SRPK2: variants seen among roughly 807,000 people sequenced by gnomAD.
The protein encoded by SRPK2 is SRSF protein kinase 2.
In SRPK2, 21 loss-of-function variants were observed where a neutral mutation model predicts 90.8. The observed-to-expected ratio is 0.23, with a 90% CI of 0.16 to 0.33. SRPK2 has a LOEUF of 0.33. SRPK2 is among the 10% of genes least tolerant of loss of function. The pLI, the probability that SRPK2 is intolerant of heterozygous loss-of-function variation, is 1.00. For synonymous variants in SRPK2, 288 were observed against 311.1 expected (o/e 0.93, Z 0.78); for missense variants, 620 against 869.0 (o/e 0.71, Z 3.60).
chr7:105,389,036 C>A (rs1320580068), upstream of SRPK2: 2 of 970,416 alleles, frequency 2.1e-6, no homozygotes, highest in Non-Finnish European at 2.4e-6. Flanking sequence ...CCCAGCGCCG[C>A]GCGCCCAGCG....
chr7:105,244,772 C>A, intron 2 of SRPK2: 1 of 980,826 alleles, frequency 1.0e-6, no homozygotes, highest in Non-Finnish European at 1.6e-6. Flanking sequence ...CAAGTTTGTG[C>A]GGGACATGAT....
chr7:105,259,639 T>A (rs1439586040), intron 2 of SRPK2, among the ~76,000 whole-genome samples: 1 of 152,148 alleles, frequency 6.6e-6, no homozygotes, highest in Non-Finnish European at 1.5e-5. Context: ...CAAACTATAC[T>A]ACAAGGCTAC....
chr7:105,331,461 A>G lies in SRPK2; in HGVS notation c.71+57187T>C, dbSNP rs550814543. On this transcript the variant is annotated intron_variant, in intron 2 of 15. Transcript: ENST00000393651. ...AACATAAACTATTGATCCTAAAACCATATCCTGGCTTTGGGAGAGAGAAGG... is the reference window on the plus strand; with the variant it reads ...AACATAAACTATTGATCCTAAAACCGTATCCTGGCTTTGGGAGAGAGAAGG... Among the ~76,000 whole-genome samples the G allele has an allele frequency of 7.2e-5, 11 of 152,272 alleles. No individual in the cohort carries two copies. The East Asian group carries it at 1.7e-3, about 24-fold the overall frequency.
intron 2 of SRPK2, among the ~76,000 whole-genome samples, chr7:105,379,145 C>A (rs1820644269): frequency 6.6e-6 from 1 of 150,928 alleles, no homozygotes; most frequent in African/African-American, 2.4e-5. Flanking sequence ...AAGACCCAGT[C>A]TCTAAAAAAA....
rs1211046364 is a variant in SRPK2, at chr7:105,388,700, G to T, written c.19C>A (p.Leu7Met). 6.3e-7 allele frequency: 1 copy of T among 1,584,184 alleles called. No individual in the cohort carries two copies. Among genetic ancestry groups the T allele is most frequent in the Admixed American group, 1.8e-5 (1 of 57,120 alleles). ...CTCCGCTTTCGGGCCTGAATGGCCA[G>T]CACTGGGGAAGAGAAGACACACATT... The part of the protein sequence containing the change: MSSRKV[L>M]AIQARKRRPK... The change falls in exon 2 of 16, where the codon CTG becomes ATG. Residue 7 changes from leucine to methionine, a missense_variant and splice_region_variant. This residue lies in a region of SRPK2 where 56 missense variants were observed against 49.6 expected (regional missense o/e 1.13). Transcript: ENST00000393651.
chr7:105,389,368 C>A (rs1463327134), upstream of SRPK2: 1 of 1,269,528 alleles, frequency 7.9e-7, no homozygotes, highest in Admixed American at 2.4e-5. Flanking sequence ...CTTGCAACCC[C>A]ATGAGCGCCG....
At chr7:105,149,458 T>A (rs1178544382) in intron 7 of SRPK2, among the ~76,000 whole-genome samples, 1 of 151,958 alleles carries the variant, frequency 6.6e-6, no homozygotes, top group Non-Finnish European at 1.5e-5. Context: ...ACATTCCTTT[T>A]TGCTGAAATA....
chr7:105,217,270 CT>C (rs1178400798), intron 2 of SRPK2, among the ~76,000 whole-genome samples: 1 of 152,072 alleles, frequency 6.6e-6, no homozygotes, highest in East Asian at 1.9e-4. Context: ...TTATCACATA[CT>C]TCTACAAGGC....
chr7:105,321,400 T>C (rs1175349131), intron 2 of SRPK2, among the ~76,000 whole-genome samples: 1 of 152,224 alleles, frequency 6.6e-6, no homozygotes, highest in African/African-American at 2.4e-5. Flanking sequence ...TAAATCTTCA[T>C]GACCTTGGGT....
intron 2 of SRPK2, among the ~76,000 whole-genome samples, chr7:105,362,653 C>G (rs761288421): frequency 1.3e-5 from 2 of 152,024 alleles, no homozygotes; most frequent in Non-Finnish European, 1.5e-5. Context: ...TCTCAAGGAT[C>G]TAGAAATAGA....
In SRPK2 at chr7:105,244,805, C is replaced by A; in HGVS notation, c.72-41020G>T. ...GATCCCGGAGGCATGTGGCTTCGCC[C>A]CGTACAAGCAGCACGCCAAGGAGTT... On this transcript the variant is annotated intron_variant, in intron 2 of 15. Coordinates refer to ENST00000393651, the MANE Select transcript of SRPK2 (RefSeq NM_182692.3). 4 of 969,118 alleles carry A rather than the reference C, an allele frequency of 4.1e-6. No individual in the cohort carries two copies. The Admixed American group carries it at 6.8e-5, about 17-fold the overall frequency. 60.0% of individuals were successfully genotyped at this position (969,118 alleles called of 1,614,324 possible).
At chr7:105,386,286 C>G (rs1481019396) in intron 2 of SRPK2, among the ~76,000 whole-genome samples, 1 of 144,152 alleles carries the variant, frequency 6.9e-6, no homozygotes, top group Non-Finnish European at 1.5e-5. Flanking sequence ...TGCCCTCCAG[C>G]CTGGGCAACA....
chr7:105,277,952 G>A (rs1389821415), intron 2 of SRPK2, among the ~76,000 whole-genome samples: 1 of 152,172 alleles, frequency 6.6e-6, no homozygotes, highest in East Asian at 1.9e-4. Context: ...GGATAGAGGA[G>A]CAGGTTATGA....
intron 2 of SRPK2, among the ~76,000 whole-genome samples, chr7:105,354,339 C>G (rs1817548065): frequency 6.6e-6 from 1 of 152,174 alleles, no homozygotes; most frequent in Admixed American, 6.5e-5. Flanking sequence ...TCTTGCCCGG[C>G]AGCTCATCCA....
chr7:105,389,491 G>A (rs1482777645), upstream of SRPK2: 13 of 1,029,018 alleles, frequency 1.3e-5, no homozygotes, highest in Non-Finnish European at 1.1e-5. Flanking sequence ...ACCTCTAAGT[G>A]CCCTCCAGGA....
intron 2 of SRPK2, among the ~76,000 whole-genome samples, chr7:105,280,879 A>G (rs1424461535): frequency 7.8e-6 from 1 of 128,042 alleles, no homozygotes; most frequent in Non-Finnish European, 1.6e-5. Context: ...CCCAGGAGGC[A>G]GAGTTTGCAG....
chr7:105,159,448 CAAAAA>C (rs765544583), intron 7 of SRPK2, among the ~76,000 whole-genome samples: 70 of 33,140 alleles, frequency 2.1e-3, no homozygotes, highest in South Asian at 8.1e-3. Context: ...ACTCCGTCTC[CAAAAA>C]AAAAAAAAAA....
chr7:105,359,777 C>T (rs375733996), intron 2 of SRPK2, among the ~76,000 whole-genome samples: 1 of 152,154 alleles, frequency 6.6e-6, no homozygotes, highest in African/African-American at 2.4e-5. Flanking sequence ...CAATCTGTTT[C>T]ATGATTTCCT....
At chr7:105,331,870 G>C (rs767806358) in intron 2 of SRPK2, among the ~76,000 whole-genome samples, 15 of 152,082 alleles carry the variant, frequency 9.9e-5, no homozygotes, top group Non-Finnish European at 1.8e-4. Flanking sequence ...GGAAGAACTC[G>C]CACCTTGGCC....
Sources: gnomAD v4.1 joint callset for allele counts (sites outside exome capture counted in the v4.1 genomes callset) on GRCh38, gnomAD v4.1.1 for gene constraint, gnomAD v4.1.1 regional missense constraint, MANE v1.5 for transcripts, NCBI Gene and HGNC (gene_info 2026-07-23, HGNC 2026-07-21) for gene names.